Variants in CAMTA1 observed in about 807,000 individuals in gnomAD.
CAMTA1 encodes calmodulin binding transcription activator 1.
A neutral mutation model predicts 170.9 loss-of-function variants in CAMTA1; 27 were observed. That is an observed-to-expected ratio of 0.16 (90% CI 0.12 to 0.22). The LOEUF is 0.22. Among genes scored for constraint, CAMTA1 ranks in the 10% least tolerant of loss-of-function variants. CAMTA1 has a pLI of 1.00. For missense variants in CAMTA1, 1,619 were observed against 2,217.2 expected (o/e 0.73, Z 5.42); for synonymous variants, 833 against 891.5 (o/e 0.93, Z 1.17).
At chr1:7,135,040 A>G (rs1366665280) in intron 4 of CAMTA1, among the ~76,000 whole-genome samples, 3 of 152,204 alleles carry the variant, frequency 2.0e-5, no homozygotes, top group African/African-American at 7.2e-5. Flanking sequence ...AGAGATACAA[A>G]TCAAAACCAC....
rs186573402 is a variant in CAMTA1 at position 6,876,465 on chromosome 1, C to T, written c.234+51255C>T. 1.4e-3 allele frequency among the ~76,000 whole-genome samples: 219 copies of T among 152,016 alleles called. 1 individual carries two copies. Among genetic ancestry groups the T allele is most frequent in the Non-Finnish European group, 2.4e-3 (166 of 67,978 alleles). ...CAAACCTCCGCCTTCTGGGTTCTACCGATTCTCCTGCCTCAGCCTCCAAAG... is the reference window on the plus strand; with the variant it reads ...CAAACCTCCGCCTTCTGGGTTCTACTGATTCTCCTGCCTCAGCCTCCAAAG... On this transcript the variant is annotated intron_variant, in intron 3 of 22. Transcript: ENST00000303635.
At chr1:7,484,469 A>G (rs1468498785) in intron 6 of CAMTA1, among the ~76,000 whole-genome samples, 1 of 152,224 alleles carries the variant, frequency 6.6e-6, no homozygotes, top group Non-Finnish European at 1.5e-5. Context: ...AGCACTTTGC[A>G]CAGGGTCGGA....
chr1:7,545,142 T>G (rs2094673449), intron 6 of CAMTA1, among the ~76,000 whole-genome samples: 1 of 152,254 alleles, frequency 6.6e-6, no homozygotes, highest in Admixed American at 6.5e-5. Flanking sequence ...TGCCGTTATT[T>G]TTGTTTCTTC....
At chr1:7,676,412 T>C (rs1350533570) in intron 10 of CAMTA1, among the ~76,000 whole-genome samples, 1 of 152,224 alleles carries the variant, frequency 6.6e-6, no homozygotes, top group East Asian at 1.9e-4. Flanking sequence ...AATGGCAAGA[T>C]GGCTGCTGCC....
At chr1:6,809,496 G>T (rs1195006847) in intron 1 of CAMTA1, among the ~76,000 whole-genome samples, 2 of 152,116 alleles carry the variant, frequency 1.3e-5, no homozygotes, top group African/African-American at 2.4e-5. Context: ...GTCCTTAGAG[G>T]TCAGCCCCCT....
At chr1:6,978,436 C>T (rs1231920086) in intron 3 of CAMTA1, among the ~76,000 whole-genome samples, 1 of 152,062 alleles carries the variant, frequency 6.6e-6, no homozygotes, top group Non-Finnish European at 1.5e-5. Context: ...GAGTTTGAGA[C>T]CAGCCTGGCC....
At chr1:7,582,796 C>A (rs947342176) in intron 6 of CAMTA1, among the ~76,000 whole-genome samples, 2 of 151,920 alleles carry the variant, frequency 1.3e-5, no homozygotes, top group Non-Finnish European at 2.9e-5. Flanking sequence ...TGGGAAGTGT[C>A]ACACAGCTGT....
chr1:6,876,273 C>CT (rs1224148332), intron 3 of CAMTA1, among the ~76,000 whole-genome samples: 1 of 152,040 alleles, frequency 6.6e-6, no homozygotes, highest in African/African-American at 2.4e-5. Flanking sequence ...TACAATGTAT[C>CT]TGTCATCAGA....
intron 6 of CAMTA1, among the ~76,000 whole-genome samples, chr1:7,589,955 C>T (rs2095342656): frequency 6.6e-6 from 1 of 152,190 alleles, no homozygotes; most frequent in African/African-American, 2.4e-5. Context: ...GCTGGCTGCA[C>T]AAGGCGGGGT....
At chr1:6,858,995 TTA>T (rs1408400563) in intron 3 of CAMTA1, among the ~76,000 whole-genome samples, 3 of 152,198 alleles carry the variant, frequency 2.0e-5, no homozygotes, top group Non-Finnish European at 4.4e-5. Context: ...CCCATAGAAA[TTA>T]TCTTATTATA....
chr1:6,895,027 A>G (rs1239228212), intron 3 of CAMTA1, among the ~76,000 whole-genome samples: 4 of 152,192 alleles, frequency 2.6e-5, no homozygotes, highest in African/African-American at 7.2e-5. Context: ...CAGGCAAACT[A>G]CTTACAGGCC....
intron 3 of CAMTA1, among the ~76,000 whole-genome samples, chr1:7,037,138 AAG>A (rs1171707914): frequency 6.6e-6 from 1 of 152,216 alleles, no homozygotes; most frequent in African/African-American, 2.4e-5. Flanking sequence ...AGATGATGGA[AAG>A]AGAGACGATA....
chr1:7,206,679 T>C (rs1366864129), intron 4 of CAMTA1, among the ~76,000 whole-genome samples: 19 of 152,252 alleles, frequency 1.2e-4, no homozygotes, highest in East Asian at 1.9e-4. Flanking sequence ...TTCCCATTTG[T>C]TGAAGTTGTC....
intron 6 of CAMTA1, among the ~76,000 whole-genome samples, chr1:7,478,764 T>A (rs2093465670): frequency 6.6e-6 from 1 of 152,296 alleles, no homozygotes; most frequent in East Asian, 1.9e-4. Context: ...TTCAAAGATG[T>A]GGAGAATGCA....
chr1:7,697,885 C>T (rs1351154926), intron 11 of CAMTA1, among the ~76,000 whole-genome samples: 1 of 152,100 alleles, frequency 6.6e-6, no homozygotes, highest in Non-Finnish European at 1.5e-5. Context: ...TATCTCTGGC[C>T]GTATAACAAG....
chr1:6,910,980 C>G (rs1679568631), intron 3 of CAMTA1, among the ~76,000 whole-genome samples: 1 of 152,162 alleles, frequency 6.6e-6, no homozygotes, highest in African/African-American at 2.4e-5. Flanking sequence ...TTGCTCGCGT[C>G]CAGGATGTCA....
At chr1:7,127,590 C>T (rs548192767) in intron 4 of CAMTA1, among the ~76,000 whole-genome samples, 6 of 152,296 alleles carry the variant, frequency 3.9e-5, no homozygotes, top group East Asian at 1.9e-4. Flanking sequence ...ACCCTGCATC[C>T]GTCATTCATT....
intron 11 of CAMTA1, among the ~76,000 whole-genome samples, chr1:7,678,472 T>C (rs1001873723): frequency 9.9e-5 from 15 of 152,058 alleles, no homozygotes; most frequent in South Asian, 4.1e-4. Context: ...GCCTTGGCCA[T>C]GGGGGTCGGT....
chr1:7,591,078 A>G (rs1311325816), intron 6 of CAMTA1, among the ~76,000 whole-genome samples: 2 of 152,176 alleles, frequency 1.3e-5, no homozygotes, highest in African/African-American at 4.8e-5. Flanking sequence ...CATAATGGGA[A>G]GAGTAACCTG....
Sources: allele counts gnomAD v4.1 joint callset (sites outside exome capture counted in the v4.1 genomes callset), GRCh38; gene constraint gnomAD v4.1.1; transcripts MANE v1.5; gene names NCBI Gene and HGNC (gene_info 2026-07-23, HGNC 2026-07-21).